PAK1: variants seen among roughly 807,000 people sequenced by gnomAD.
The protein encoded by PAK1 is serine/threonine-protein kinase PAK 1.
A neutral mutation model predicts 67.4 loss-of-function variants in PAK1; 29 were observed. That is an observed-to-expected ratio of 0.43 (90% CI 0.32 to 0.59). PAK1 has a LOEUF of 0.59. Ranked by LOEUF, PAK1 falls within the 20% of genes least tolerant of loss-of-function variation. PAK1 has a pLI of 0.07. For synonymous variants in PAK1, 223 were observed against 237.4 expected (o/e 0.94, Z 0.56); for missense variants, 337 against 670.7 (o/e 0.50, Z 5.50).
intron 2 of PAK1, among the ~76,000 whole-genome samples, chr11:77,383,975 G>A (rs1429463036): frequency 3.3e-5 from 5 of 152,194 alleles, no homozygotes; most frequent in African/African-American, 1.2e-4. Flanking sequence ...GAAAGTCTGA[G>A]TTTCAAGTCT....
the PAK1 span, among the ~76,000 whole-genome samples, chr11:77,520,462 A>G: frequency 6.6e-6 from 1 of 152,302 alleles, no homozygotes; most frequent in South Asian, 2.1e-4. Flanking sequence ...AAGCTCAAAA[A>G]TCCTGAGGCC....
chr11:77,455,887 G>A (rs1203916069), intron 1 of PAK1: 1 of 152,120 alleles, frequency 6.6e-6, no homozygotes, highest in East Asian at 1.9e-4. Flanking sequence ...TTACATAAAG[G>A]AAGAAAGACT....
chr11:77,465,337 T>C (rs1957547798), intron 1 of PAK1, among the ~76,000 whole-genome samples: 2 of 152,104 alleles, frequency 1.3e-5, no homozygotes, highest in Admixed American at 1.3e-4. Context: ...TTAACTTCTG[T>C]TCATTTATAA....
intron 12 of PAK1, 63 bp downstream of exon 12, chr11:77,337,260 CA>C: frequency 4.0e-6 from 3 of 755,154 alleles, no homozygotes; most frequent in Non-Finnish European, 6.8e-6. Flanking sequence ...ATATGATGAC[CA>C]TCTCACAGGA....
chr11:77,526,143 T>A, the PAK1 span, among the ~76,000 whole-genome samples: 1 of 152,238 alleles, frequency 6.6e-6, no homozygotes, highest in East Asian at 1.9e-4. Flanking sequence ...CAGGGACAAA[T>A]AGCAGGATGG....
chr11:77,347,215 C>G, intron 9 of PAK1: 1 of 395,996 alleles, frequency 2.5e-6, no homozygotes, highest in Non-Finnish European at 5.0e-6. Flanking sequence ...CAGCTTCTCA[C>G]ACAGCCAGCC....
intron 1 of PAK1, among the ~76,000 whole-genome samples, chr11:77,460,620 G>A (rs3015989): frequency 0.7 from 106,270 of 151,606 alleles, 38,118 homozygotes; most frequent in African/African-American, 0.85. Flanking sequence ...GATGCTTAGG[G>A]TAACTCAGTA....
chr11:77,513,824 C>T, the PAK1 span, among the ~76,000 whole-genome samples: 1 of 152,096 alleles, frequency 6.6e-6, no homozygotes, highest in Non-Finnish European at 1.5e-5. Flanking sequence ...TATTCCTTAG[C>T]TCACGGTTAA....
intron 1 of PAK1, among the ~76,000 whole-genome samples, chr11:77,463,293 A>G (rs1442329709): frequency 2.6e-5 from 4 of 152,238 alleles, no homozygotes; most frequent in African/African-American, 7.2e-5. Flanking sequence ...AAGAAAACAC[A>G]GCAAAATACC....
chr11:77,384,384 A>G (rs146493048), intron 2 of PAK1, among the ~76,000 whole-genome samples: 1 of 152,268 alleles, frequency 6.6e-6, no homozygotes, highest in East Asian at 1.9e-4. Flanking sequence ...TGCAGTTGCA[A>G]ATTTTTTATG....
intron 9 of PAK1, among the ~76,000 whole-genome samples, chr11:77,345,864 G>A (rs967869736): frequency 2.0e-5 from 3 of 152,226 alleles, no homozygotes; most frequent in Non-Finnish European, 2.9e-5. Flanking sequence ...TGCCATCTTG[G>A]AGGATGGGAC....
chr11:77,344,689 C>T (rs149114878), intron 9 of PAK1, among the ~76,000 whole-genome samples: 44 of 152,278 alleles, frequency 2.9e-4, no homozygotes, highest in African/African-American at 7.9e-4. Context: ...ATGTGACTTG[C>T]ATACATAGCT....
At chr11:77,438,922 G>A (rs1180292349) in intron 1 of PAK1, among the ~76,000 whole-genome samples, 5 of 152,170 alleles carry the variant, frequency 3.3e-5, no homozygotes, top group African/African-American at 1.2e-4. Flanking sequence ...AAAGACATGA[G>A]GATGAATTTG....
At position 77,379,535 on chromosome 11, in the gene PAK1, G is replaced by A. The variant is rs527909840; in HGVS notation, c.292-147C>T. 1.0e-4 allele frequency: 70 copies of A among 677,734 alleles called. No individual in the cohort carries two copies. In the African/African-American group the frequency reaches 1.2e-3, roughly 12 times the overall value. The allele number at this position is 677,734 out of a possible 1,614,324, so 42.0% of individuals were successfully genotyped here. A position where few individuals can be genotyped will look rare whatever the true frequency, so the allele number is the denominator to read the frequency against. ...CTCTATACTCTCAGAGTTTACACAA[G>A]CCTCTTTTATAATATCTTTCTCATT... On this transcript the variant is annotated intron_variant, in intron 3 of 14. Coordinates refer to ENST00000356341, the MANE Select transcript of PAK1 (RefSeq NM_002576.5).
At chr11:77,416,270 C>T (rs892266260) in intron 1 of PAK1, among the ~76,000 whole-genome samples, 3 of 152,158 alleles carry the variant, frequency 2.0e-5, no homozygotes, top group African/African-American at 7.2e-5. Context: ...TGAGCCACCA[C>T]GCCTGCCTAT....
chr11:77,341,851 T>C (rs1943653233), intron 10 of PAK1, among the ~76,000 whole-genome samples: 1 of 152,226 alleles, frequency 6.6e-6, no homozygotes, highest in Admixed American at 6.5e-5. Flanking sequence ...ATCCTATTTT[T>C]TTGACTACTA....
At chr11:77,456,069 T>C (rs1438043489) in intron 1 of PAK1, 2 of 152,100 alleles carry the variant, frequency 1.3e-5, no homozygotes, top group East Asian at 3.9e-4. Context: ...TCTTAAAGAG[T>C]TGGAAATGAT....
the PAK1 span, among the ~76,000 whole-genome samples, chr11:77,482,619 G>C: frequency 5.4e-5 from 8 of 147,778 alleles, no homozygotes; most frequent in East Asian, 1.4e-3. Context: ...TTTGAGACAG[G>C]GTCTTACTCT....
At chr11:77,369,993 A>G (rs755925755) in intron 5 of PAK1, among the ~76,000 whole-genome samples, 2 of 152,108 alleles carry the variant, frequency 1.3e-5, no homozygotes, top group Non-Finnish European at 2.9e-5. Context: ...ATTCATATTT[A>G]TAAGTGAAGG....
Sources: gnomAD v4.1 joint callset for allele counts (sites outside exome capture counted in the v4.1 genomes callset) on GRCh38, gnomAD v4.1.1 for gene constraint, MANE v1.5 for transcripts, NCBI Gene and HGNC (gene_info 2026-07-23, HGNC 2026-07-21) for gene names.